Variants in CD33 observed in about 807,000 individuals in gnomAD.
CD33 encodes myeloid cell surface antigen CD33.
CD33 carries 25 observed loss-of-function variants against 31.4 expected under a neutral mutation model. The observed-to-expected ratio is 0.80, with a 90% CI of 0.58 to 1.11. CD33 has a LOEUF of 1.11. Ranked by LOEUF, CD33 falls within the 50% of genes most tolerant of loss-of-function variation. The pLI, the probability that CD33 is intolerant of heterozygous loss-of-function variation, is 0.00. For synonymous variants in CD33, 176 were observed against 180.6 expected, an observed-to-expected ratio of 0.97 and a Z score of 0.20; for missense variants, 407 against 448.1, an observed-to-expected ratio of 0.91 and a Z score of 0.83.
chr19:51,224,290 T>G (rs994429001), upstream of CD33, among the ~76,000 whole-genome samples: 10 of 152,150 alleles, frequency 6.6e-5, no homozygotes, highest in African/African-American at 2.4e-4. Flanking sequence ...GCTTTTAGCT[T>G]CCCTATCTTA....
upstream of CD33, among the ~76,000 whole-genome samples, chr19:51,222,828 T>C (rs1241943505): frequency 1.3e-5 from 2 of 152,216 alleles, no homozygotes; most frequent in East Asian, 1.9e-4. Flanking sequence ...TTCATGTAAA[T>C]TATACCTAAT....
intron 4 of CD33, 51 bp from the exon 5 acceptor site, chr19:51,235,106 C>A (rs1181574891): frequency 4.8e-6 from 7 of 1,461,748 alleles, no homozygotes; most frequent in African/African-American, 4.2e-5. Context: ...GGAGGATACA[C>A]ATACCTGTTT....
At position 51,235,202 on chromosome 19, in the gene CD33, G is replaced by C; in HGVS notation, c.791G>C (p.Gly264Ala). 1 of 1,614,164 alleles carries C rather than the reference G, an allele frequency of 6.2e-7. No homozygotes were observed. ...RAGVVHGAIG[G>A]AGVTALLALC... is the part of the protein sequence containing the mutation. ...GGAGTGGTTCATGGGGCCATTGGAG[G>C]AGCTGGTGTTACAGCCCTGCTCGCT... Residue 264 changes from glycine to alanine, a missense_variant, in exon 5 of 7, where the codon GGA becomes GCA. Gly to Ala is a moderately conservative substitution (Grantham distance 60). Transcript: ENST00000262262.
chr19:51,232,643 A>G (rs1981499785), intron 4 of CD33, among the ~76,000 whole-genome samples: 1 of 152,188 alleles, frequency 6.6e-6, no homozygotes, highest in Admixed American at 6.5e-5. Flanking sequence ...TCTGTCTTCA[A>G]GTTCAGAAAT....
chr19:51,211,217 C>G, the CD33 span: 1 of 1,571,484 alleles, frequency 6.4e-7, no homozygotes, highest in South Asian at 1.2e-5. Context: ...GGGGCCCTGG[C>G]TATGGATCCA....
rs147880816 is a variant in CD33, at chr19:51,228,465, C to G, written c.745+2109C>G. Among the ~76,000 whole-genome samples the G allele has an allele frequency of 5.9e-5, 9 of 152,206 alleles. No homozygotes were observed. The East Asian group carries it at 1.7e-3, about 29-fold the overall frequency. On this transcript the variant is annotated intron_variant, in intron 4 of 6. Coordinates refer to ENST00000262262, the MANE Select transcript of CD33 (RefSeq NM_001772.4). ...TGTTTTGTAGTTTTTCTTATTAAGG[C>G]TTGTCACCTCCTTGGTTAAATTTAT... is the stretch of plus-strand genomic sequence containing the variant.
At chr19:51,235,437 G>T in intron 5 of CD33, 158 bp from the exon 6 acceptor site, 1 of 1,367,946 alleles carries the variant, frequency 7.3e-7, no homozygotes, top group East Asian at 2.5e-5. Context: ...AGATGTCCAA[G>T]GAGTGGGAGG....
chr19:51,235,897 A>G (rs946748699), intron 6 of CD33: 11 of 703,234 alleles, frequency 1.6e-5, no homozygotes, highest in South Asian at 3.0e-5. Context: ...AGTGTTTCAC[A>G]CCTGCAATCC....
intron 3 of CD33, 51 bp downstream of exon 3, chr19:51,226,132 G>A (rs1981010159): frequency 1.3e-6 from 2 of 1,595,772 alleles, no homozygotes; most frequent in South Asian, 2.2e-5. Context: ...GGGGAGACAG[G>A]ATGGGCTGGT....
chr19:51,215,318 G>GT, the CD33 span, among the ~76,000 whole-genome samples: 5 of 152,184 alleles, frequency 3.3e-5, no homozygotes, highest in Non-Finnish European at 5.9e-5. Context: ...AAATGCCAGG[G>GT]TGGAGAGGTT....
chr19:51,226,807 G>T (rs1224515747), intron 4 of CD33, among the ~76,000 whole-genome samples: 2 of 151,470 alleles, frequency 1.3e-5, no homozygotes, highest in Non-Finnish European at 2.9e-5. Flanking sequence ...TAGAACACCA[G>T]AACTTATTCT....
intron 4 of CD33, among the ~76,000 whole-genome samples, chr19:51,228,999 C>T (rs932565417): frequency 6.6e-6 from 1 of 152,148 alleles, no homozygotes; most frequent in Non-Finnish European, 1.5e-5. Flanking sequence ...CAGCTTTTCT[C>T]CATTCAGTAT....
intron 4 of CD33, among the ~76,000 whole-genome samples, chr19:51,234,504 T>C (rs1981640689): frequency 6.6e-6 from 1 of 152,166 alleles, no homozygotes; most frequent in Non-Finnish European, 1.5e-5. Context: ...TCCACTGCCC[T>C]ATTCCAATTA....
the CD33 span, among the ~76,000 whole-genome samples, chr19:51,216,793 A>G: frequency 6.6e-6 from 1 of 152,218 alleles, no homozygotes; most frequent in East Asian, 1.9e-4. Flanking sequence ...AAAGAAGCAT[A>G]AGATATACTG....
Position 51,239,747 on chromosome 19 carries a change from C to T in CD33, c.*59C>T. ...ATCCACATCCTCTACAGGTCGGGGA[C>T]CAAAGGCTGATTCTTGGAGATTTAA... On this transcript the variant is annotated 3_prime_UTR_variant, in exon 7 of 7. Coordinates refer to ENST00000262262, the MANE Select transcript of CD33 (RefSeq NM_001772.4). The T allele has an allele frequency of 7.0e-7, 1 of 1,431,466 alleles. No individual in the cohort carries two copies. The highest frequency in any genetic ancestry group is 1.4e-5 in the African/African-American group (1 of 69,968). 88.7% of individuals were successfully genotyped at this position (1,431,466 alleles called of 1,614,324 possible).
the CD33 span, among the ~76,000 whole-genome samples, chr19:51,218,807 C>T: frequency 6.6e-6 from 1 of 152,098 alleles, no homozygotes; most frequent in Non-Finnish European, 1.5e-5. Flanking sequence ...ATGTTTTTGT[C>T]GACTTTGTCA....
chr19:51,229,554 TATTC>T (rs906253149), intron 4 of CD33, among the ~76,000 whole-genome samples: 1 of 152,142 alleles, frequency 6.6e-6, no homozygotes, highest in African/African-American at 2.4e-5. Context: ...GGCCTTTTAT[TATTC>T]ATTCAATCTC....
chr19:51,222,136 T>C (rs940326698), upstream of CD33, among the ~76,000 whole-genome samples: 7 of 152,194 alleles, frequency 4.6e-5, no homozygotes, highest in South Asian at 2.1e-4. Flanking sequence ...TTGCATATGA[T>C]AAAGAGTTAA....
the CD33 span, chr19:51,211,432 G>C: frequency 6.4e-7 from 1 of 1,570,014 alleles, no homozygotes; most frequent in East Asian, 2.2e-5. Context: ...GGAGACTCAG[G>C]GCTGATTCCG....
Sources: gnomAD v4.1 joint callset for allele counts (sites outside exome capture counted in the v4.1 genomes callset) on GRCh38, gnomAD v4.1.1 for gene constraint, MANE v1.5 for transcripts, NCBI Gene and HGNC (gene_info 2026-07-23, HGNC 2026-07-21) for gene names.